Variants in NOC4L observed in about 807,000 individuals in gnomAD.
The protein encoded by NOC4L is nucleolar complex associated 4 homolog, also known as nucleolar complex protein 4 homolog.
Under a neutral mutation model 62.8 loss-of-function variants are expected in NOC4L, and 40 were observed. The observed-to-expected ratio is 0.64, with a 90% CI of 0.49 to 0.83. The LOEUF (loss-of-function observed/expected upper bound fraction) is 0.83, where lower values mean the gene tolerates loss of function less well. Among genes scored for constraint, NOC4L ranks in the 40% least tolerant of loss-of-function variants. NOC4L has a pLI of 0.00. For synonymous variants in NOC4L, 433 were observed against 299.8 expected, an observed-to-expected ratio of 1.44 and a Z score of -4.59; for missense variants, 927 against 701.9, an observed-to-expected ratio of 1.32 and a Z score of -3.62.
rs201555901 is a variant in NOC4L at position 132,148,904 on chromosome 12, C to T, written c.901+9C>T. 2,847 of 1,262,550 alleles carry T rather than the reference C, an allele frequency of 2.3e-3. 41 individuals are homozygous for T. The highest frequency in any genetic ancestry group is 0.018 in the East Asian group (729 of 41,218). The allele number at this position is 1,262,550 out of a possible 1,614,324, so 78.2% of individuals were successfully genotyped here. A position where few individuals can be genotyped will look rare whatever the true frequency, so the allele number is the denominator to read the frequency against. On this transcript the variant is annotated intron_variant, in intron 9 of 14. Transcript: ENST00000330579. ...CCGCGCCTGCGACCTCGGTGAGTGC[C>T]GCCGCCTCGCTCACACCACACCCCT...
At position 132,152,263 on chromosome 12, in the gene NOC4L, C is replaced by CGTGCTTT; in HGVS notation, c.1432-10_1432-4dup. 3 of 1,582,934 alleles carry CGTGCTTT rather than the reference C, an allele frequency of 1.9e-6. No homozygotes were observed. The highest frequency in any genetic ancestry group is 1.7e-4 in the Middle Eastern group (1 of 6,034). On this transcript the variant is annotated intron_variant, in intron 14 of 14. Transcript: ENST00000330579. ...GCGCTGAGCCAAGCCTGAGAGCCGC[C>CGTGCTTT]GTGCTTTGTGCTTTGCAGATCTTTG...
In NOC4L at chr12:132,144,562, G is replaced by A; in HGVS notation, c.74G>A (p.Arg25His). ...CGGCTGGAGGCGGTGCTGGCGAGCC[G>A]CAGTGAGGCCAACGCCGTGTTCGAC... Reference protein sequence around the residue: ...GRRLEAVLASRSEANAVFDIL... With the variant: ...GRRLEAVLASHSEANAVFDIL... The change falls in exon 1 of 15, where the codon CGC (arginine) becomes CAC (histidine). Residue 25 changes from arginine to histidine, a missense_variant. By Grantham distance (29) the Arg-to-His change is conservative. Coordinates refer to ENST00000330579, the MANE Select transcript of NOC4L (RefSeq NM_024078.3). 1 of 1,521,458 alleles carries A rather than the reference G, an allele frequency of 6.6e-7. No homozygotes were observed. Among genetic ancestry groups the A allele is most frequent in the Non-Finnish European group, 8.8e-7 (1 of 1,142,364 alleles). The allele number at this position is 1,521,458 out of a possible 1,614,324, so 94.2% of individuals were successfully genotyped here.
chr12:132,151,398 G>A (rs1872910359), intron 11 of NOC4L, 30 bp downstream of exon 11: 5 of 1,604,290 alleles, frequency 3.1e-6, no homozygotes, highest in Middle Eastern at 1.7e-4. Flanking sequence ...GCTCTGCCCT[G>A]CTCTGTGCGG....
chr12:132,146,992 G>A (rs1008666827), intron 3 of NOC4L, among the ~76,000 whole-genome samples: 1 of 152,190 alleles, frequency 6.6e-6, no homozygotes, highest in Non-Finnish European at 1.5e-5. Context: ...CACAGGTGAC[G>A]AGAGAGCAGT....
In NOC4L at chr12:132,148,788, C is replaced by T. The variant is rs1399519082; in HGVS notation, c.794C>T (p.Pro265Leu). Residue 265 changes from proline to leucine, a missense_variant, in exon 9 of 15, where the codon CCC (proline) becomes CTC (leucine). Coordinates refer to ENST00000330579, the MANE Select transcript of NOC4L (RefSeq NM_024078.3). The part of the protein sequence containing the change: ...MWLSFLKHKL[P>L]LSLYKKVLLI... ...CACCTGCCGGCCCCCGCCCAGCTGC[C>T]CCTCAGCCTCTACAAGAAGGTGCTG... is the stretch of plus-strand genomic sequence containing the variant. 11 of 1,580,928 alleles carry T rather than the reference C, an allele frequency of 7.0e-6. No homozygotes were observed. Among genetic ancestry groups the T allele is most frequent in the African/African-American group, 1.4e-5 (1 of 73,666 alleles).
At position 132,151,318 on chromosome 12, in the gene NOC4L, C is replaced by T. The variant is rs780240549; in HGVS notation, c.1023C>T (p.Val341=). 1.2e-6 allele frequency: 2 copies of T among 1,611,896 alleles called. No homozygotes were observed. The highest frequency in any genetic ancestry group is 8.5e-7 in the Non-Finnish European group (1 of 1,179,970). ...TCTTGGACCCCTCTGTCTTTCACGTCAAGTACCGCGCCCGCTTCTTCCACC... is the reference window on the plus strand; with the variant it reads ...TCTTGGACCCCTCTGTCTTTCACGTTAAGTACCGCGCCCGCTTCTTCCACC... ...YGLLDPSVFH[V]KYRARFFHLA... is the part of the protein sequence containing the mutation. Residue 341 remains valine (V), a synonymous_variant, in exon 11 of 15, where the codon GTC becomes GTT. Transcript: ENST00000330579.
chr12:132,151,583 C>T lies in NOC4L; in HGVS notation c.1173C>T (p.Ile391=), dbSNP rs766151712. ...CCCTGCTCATGGTCCTGCCTTTCAT[C>T]TGTAACCTGCTGCGCCGGCACCCTG... ...PEALLMVLPF[I]CNLLRRHPAC... is the part of the protein sequence containing the mutation. Residue 391 remains isoleucine (I), a synonymous_variant, in exon 12 of 15, where the codon ATC becomes ATT. Transcript: ENST00000330579. 6.2e-7 allele frequency: 1 copy of T among 1,611,248 alleles called. No homozygotes were observed. Among genetic ancestry groups the T allele is most frequent in the Non-Finnish European group, 8.5e-7 (1 of 1,179,434 alleles).
Position 132,151,256 on chromosome 12 carries a change from AG to A in NOC4L, c.964del. On this transcript the variant is annotated splice_acceptor_variant, in intron 10 of 14. Transcript: ENST00000330579. LOFTEE classifies it high-confidence loss of function. ...CCGCTGCTCCTTCCCCCCGGCCCGC[AG>A]GGAGTACCCTGACTTCTACCGGAAG... The A allele has an allele frequency of 6.2e-7, 1 of 1,610,216 alleles. No homozygotes were observed. The highest frequency in any genetic ancestry group is 1.3e-5 in the African/African-American group (1 of 74,924).
Position 132,144,525 on chromosome 12 carries a change from G to A in NOC4L, c.37G>A (p.Ala13Thr), listed in dbSNP as rs1163215508. 7.9e-6 allele frequency: 12 copies of A among 1,519,678 alleles called. No individual in the cohort carries two copies. The highest frequency in any genetic ancestry group is 1.1e-5 in the Non-Finnish European group (12 of 1,142,700). The allele number at this position is 1,519,678 out of a possible 1,614,324, so 94.1% of individuals were successfully genotyped here. Residue 13 changes from alanine (A) to threonine (T), a missense_variant, in exon 1 of 15, where the codon GCT (alanine) becomes ACT (threonine). Coordinates refer to ENST00000330579, the MANE Select transcript of NOC4L (RefSeq NM_024078.3). Reference sequence around the variant, plus strand: ...GCCGGGCGCCGCGGGAGTTCGCCGGGCTCTGGGCCGCCGGCTGGAGGCGGT... The same window carrying A: ...GCCGGGCGCCGCGGGAGTTCGCCGGACTCTGGGCCGCCGGCTGGAGGCGGT... ...REPGAAGVRRALGRRLEAVLA... is the reference protein window; with the variant it reads ...REPGAAGVRRTLGRRLEAVLA...
In NOC4L at chr12:132,150,985, G is replaced by T. The variant is rs139013195; in HGVS notation, c.906G>T (p.Gly302=). The T allele has an allele frequency of 1.9e-5, 30 of 1,608,174 alleles. No homozygotes were observed. Among genetic ancestry groups the T allele is most frequent in the Middle Eastern group, 1.6e-4 (1 of 6,062 alleles). The part of the protein sequence containing the change: ...DFLTRACDLG[G]ALSLLALNGL... Reference sequence around the variant, plus strand: ...CCTGTGTCTGTCTGTCTGCAGGGGGGGCCCTCAGCCTCTTGGCCTTGAACG... The same window carrying T: ...CCTGTGTCTGTCTGTCTGCAGGGGGTGCCCTCAGCCTCTTGGCCTTGAACG... The change falls in exon 10 of 15, where the codon GGG becomes GGT. Residue 302 remains glycine, a synonymous_variant. Coordinates refer to ENST00000330579, the MANE Select transcript of NOC4L (RefSeq NM_024078.3).
chr12:132,151,076 G>T (rs778636193), intron 10 of NOC4L, 35 bp downstream of exon 10: 2 of 1,582,974 alleles, frequency 1.3e-6, no homozygotes, highest in Non-Finnish European at 1.7e-6. Context: ...CTTCTTCCCA[G>T]TCTGCCCAGC....
rs755881673 is a variant in NOC4L, at chr12:132,147,663, G to A, written c.484G>A (p.Glu162Lys). 4 of 1,612,896 alleles carry A rather than the reference G, an allele frequency of 2.5e-6. No homozygotes were observed. Among genetic ancestry groups the A allele is most frequent in the South Asian group, 2.2e-5 (2 of 91,088 alleles). Residue 162 changes from glutamate (E) to lysine (K), a missense_variant, in exon 5 of 15, where the codon GAG becomes AAG. Glu to Lys is a moderately conservative substitution (Grantham distance 56, BLOSUM62 1). Transcript: ENST00000330579. The part of the protein sequence containing the change: ...LVVGGLLSPE[E>K]DQSLLLSQFR... ...GGTGGGAGGCCTGCTGTCTCCTGAGGAGGACCAGAGCCTGCTCCTGTCCCA... is the reference window on the plus strand; with the variant it reads ...GGTGGGAGGCCTGCTGTCTCCTGAGAAGGACCAGAGCCTGCTCCTGTCCCA...
chr12:132,148,570 G>T, intron 7 of NOC4L, 39 bp from the exon 8 acceptor site: 1 of 1,548,748 alleles, frequency 6.5e-7, no homozygotes, highest in Non-Finnish European at 8.7e-7. Context: ...CTGGTCTGGG[G>T]TGGGGAGGGC....
chr12:132,147,965 A>C lies in NOC4L; in HGVS notation c.689A>C (p.Tyr230Ser), dbSNP rs758512094. ...PRREPTVSSF[Y>S]VKRAELWDTW... ...CGGGAGCCCACCGTCTCCAGCTTCT[A>C]TGTGAAGCGGGCGGGTGAGTGTGCT... Residue 230 changes from tyrosine (Y) to serine (S), a missense_variant, in exon 6 of 15, where the codon TAT becomes TCT. Coordinates refer to ENST00000330579, the MANE Select transcript of NOC4L (RefSeq NM_024078.3). The C allele has an allele frequency of 1.2e-6, 2 of 1,610,504 alleles. No homozygotes were observed. Among genetic ancestry groups the C allele is most frequent in the Middle Eastern group, 3.3e-4 (2 of 6,052 alleles).
intron 14 of NOC4L, 39 bp downstream of exon 14, chr12:132,152,236 G>A: frequency 1.2e-6 from 2 of 1,600,312 alleles, no homozygotes; most frequent in African/African-American, 1.3e-5. Flanking sequence ...CTGGGCCACG[G>A]GGCGCTGAGC....
At chr12:132,149,122 G>A (rs1237903120) in intron 9 of NOC4L, among the ~76,000 whole-genome samples, 1 of 45,066 alleles carries the variant, frequency 2.2e-5, no homozygotes, top group African/African-American at 8.4e-5. Flanking sequence ...CTCGGTGAGT[G>A]CCGCCGCCTC....
rs187880223 is a variant in NOC4L, at chr12:132,144,820, G to A, written c.118-34G>A. ...TAGGCAGGGGCGAAGGTGACAGTTG[G>A]CGGCCGGGCACCCTGCCGCCGCCTC... On this transcript the variant is annotated intron_variant, in intron 1 of 14. Transcript: ENST00000330579. 2,604 of 1,582,880 alleles carry A rather than the reference G, an allele frequency of 1.6e-3. 27 individuals are homozygous for A. In the African/African-American group the frequency reaches 0.031, roughly 19 times the overall value.
intron 11 of NOC4L, 55 bp downstream of exon 11, chr12:132,151,423 C>T (rs1182609581): frequency 1.2e-6 from 2 of 1,601,584 alleles, no homozygotes; most frequent in East Asian, 2.2e-5. Flanking sequence ...AGCCTGGGGC[C>T]AGGGGAGGGT....
rs1433842975 is a variant in NOC4L at position 132,151,144 on chromosome 12, C to T, written c.962+103C>T. The T allele has an allele frequency of 7.0e-6, 10 of 1,422,020 alleles. No individual in the cohort carries two copies. The East Asian group carries it at 1.8e-4, about 26-fold the overall frequency. 88.1% of individuals were successfully genotyped at this position (1,422,020 alleles called of 1,614,324 possible). A position where few individuals can be genotyped will look rare whatever the true frequency, so the allele number is the denominator to read the frequency against. On this transcript the variant is annotated intron_variant, in intron 10 of 14. Transcript: ENST00000330579. ...ACGGGGTCCCCGCTTTCCTCACAGG[C>T]CATGGTGTTGGAGTCCCTGGGCGGG...
Sources: gnomAD v4.1 joint callset for allele counts (sites outside exome capture counted in the v4.1 genomes callset) on GRCh38, gnomAD v4.1.1 for gene constraint, MANE v1.5 for transcripts, NCBI Gene and HGNC (gene_info 2026-07-23, HGNC 2026-07-21) for gene names.